Variants in SMAD3 observed in about 807,000 individuals in gnomAD.
The protein encoded by SMAD3 is MAD homolog 3.
A neutral mutation model predicts 51.8 loss-of-function variants in SMAD3; 12 were observed. That is an observed-to-expected ratio of 0.23 (90% CI 0.15 to 0.38). The LOEUF (loss-of-function observed/expected upper bound fraction) is 0.38. Ranked by LOEUF, SMAD3 falls within the 10% of genes least tolerant of loss-of-function variation. The pLI is 1.00. For missense variants in SMAD3, 294 were observed against 565.6 expected, an observed-to-expected ratio of 0.52 and a Z score of 4.87; for synonymous variants, 238 against 227.7, an observed-to-expected ratio of 1.05 and a Z score of -0.41.
At chr15:67,079,638 G>C (rs73481414) in intron 1 of SMAD3, among the ~76,000 whole-genome samples, 6,524 of 152,172 alleles carry the variant, frequency 0.043, 490 homozygotes, top group African/African-American at 0.15. Context: ...TATGCCAGAG[G>C]GGGTGATCTC....
chr15:67,139,016 G>C lies in SMAD3; in HGVS notation c.207-25879G>C, dbSNP rs907582085. On this transcript the variant is annotated intron_variant, in intron 1 of 8. Transcript: ENST00000327367. ...TTTGCAAAATTACCTTTGAGAGACT[G>C]AAGTGTCGGAAATGCATTTAGACAC... Among the ~76,000 whole-genome samples, 4 of 152,330 alleles carry C rather than the reference G, an allele frequency of 2.6e-5. No homozygotes were observed. In the South Asian group the frequency reaches 8.3e-4, roughly 32 times the overall value.
Position 67,077,699 on chromosome 15 carries a change from T to C in SMAD3, c.206+11339T>C, listed in dbSNP as rs141427048. On this transcript the variant is annotated intron_variant, in intron 1 of 8. Coordinates refer to ENST00000327367, the MANE Select transcript of SMAD3 (RefSeq NM_005902.4). The stretch of plus-strand genomic sequence containing the variant: ...GCTTCACAGAGGAGGCAATACTCAA[T>C]TGGGGCCTTGAAGGATGGATAGGAG... Among the ~76,000 whole-genome samples, 39 of 152,194 alleles carry C rather than the reference T, an allele frequency of 2.6e-4. No individual in the cohort carries two copies. In the East Asian group the frequency reaches 3.9e-3, roughly 15 times the overall value.
At chr15:67,182,993 A>AT (rs1437357439) in intron 6 of SMAD3, among the ~76,000 whole-genome samples, 11 of 54,688 alleles carry the variant, frequency 2.0e-4, no homozygotes, top group African/African-American at 4.1e-4. Flanking sequence ...TATTAAAAAA[A>AT]AAAAAAAATA....
At chr15:67,081,374 C>A (rs1243498258) in intron 1 of SMAD3, among the ~76,000 whole-genome samples, 4 of 152,150 alleles carry the variant, frequency 2.6e-5, no homozygotes, top group Non-Finnish European at 4.4e-5. Context: ...CCCTTGCCAG[C>A]CTCCCTTCCC....
chr15:67,076,674 G>A (rs1303012728), intron 1 of SMAD3, among the ~76,000 whole-genome samples: 1 of 152,152 alleles, frequency 6.6e-6, no homozygotes, highest in Non-Finnish European at 1.5e-5. Context: ...CCTCTTACTG[G>A]GGCAAGGAGA....
chr15:67,193,496 G>C lies in SMAD3; in HGVS notation c.*2960G>C, dbSNP rs151326457. On this transcript the variant is annotated 3_prime_UTR_variant, in exon 9 of 9. Transcript: ENST00000327367. ...GATGCTTCCAGCACATACGTAGGTAGCTACCCCAGCCGGTTTGGATTACAG... is the reference window on the plus strand; with the variant it reads ...GATGCTTCCAGCACATACGTAGGTACCTACCCCAGCCGGTTTGGATTACAG... 78 of 233,834 alleles carry C rather than the reference G, an allele frequency of 3.3e-4. No homozygotes were observed. The highest frequency in any genetic ancestry group is 5.6e-4 in the Non-Finnish European group (66 of 118,052). The allele number at this position is 233,834 out of a possible 1,614,324, so 14.5% of individuals were successfully genotyped here.
At chr15:67,186,544 G>A (rs950346142) in intron 7 of SMAD3, 13 of 154,664 alleles carry the variant, frequency 8.4e-5, no homozygotes, top group African/African-American at 2.2e-4. Flanking sequence ...GCGTCACCCC[G>A]GCTCACCTTT....
chr15:67,110,678 G>A (rs947505986), intron 1 of SMAD3, among the ~76,000 whole-genome samples: 1 of 152,226 alleles, frequency 6.6e-6, no homozygotes. Flanking sequence ...GCCTCCTGCC[G>A]TTGAGCAGCT....
intron 1 of SMAD3, 98 bp downstream of exon 1, chr15:67,066,458 A>G (rs2140189412): frequency 1.0e-6 from 1 of 974,636 alleles, no homozygotes; most frequent in South Asian, 1.4e-5. Context: ...AGAGGGAGAG[A>G]GAGGGAGGGA....
chr15:67,177,387 T>C (rs1214915106), intron 5 of SMAD3, among the ~76,000 whole-genome samples: 1 of 151,274 alleles, frequency 6.6e-6, no homozygotes, highest in Non-Finnish European at 1.5e-5. Context: ...GATAAGTACT[T>C]TGGGAAAGAA....
chr15:67,188,637 C>T lies in SMAD3; in HGVS notation c.1154+1128C>T, dbSNP rs529895174. Among the ~76,000 whole-genome samples, 9 of 152,374 alleles carry T rather than the reference C, an allele frequency of 5.9e-5. 1 individual carries two copies. In the South Asian group the frequency reaches 1.9e-3, roughly 32 times the overall value. ...CCCCCCTGCCAGCCGCCAGCTCCTG[C>T]GGCAGATGCAGAGGTGCCCACATGT... On this transcript the variant is annotated intron_variant, in intron 8 of 8. Transcript: ENST00000327367.
chr15:67,125,870 G>A (rs142428828), intron 1 of SMAD3: 4 of 985,446 alleles, frequency 4.1e-6, no homozygotes, highest in Admixed American at 1.2e-4. Flanking sequence ...TATTGCCGCC[G>A]CTCGCTTCAC....
intron 1 of SMAD3, among the ~76,000 whole-genome samples, chr15:67,091,433 C>A (rs1180164925): frequency 6.6e-6 from 1 of 152,230 alleles, no homozygotes; most frequent in Non-Finnish European, 1.5e-5. Flanking sequence ...ACCTCTTCAA[C>A]CAGTGAGTCA....
intron 6 of SMAD3, 22 bp downstream of exon 6, chr15:67,181,475 C>A: frequency 1.3e-6 from 2 of 1,494,734 alleles, no homozygotes; most frequent in East Asian, 2.4e-5. Context: ...CTCCATTCCC[C>A]GCCCCCCCAC....
At chr15:67,078,502 A>G (rs902460088) in intron 1 of SMAD3, among the ~76,000 whole-genome samples, 4 of 152,236 alleles carry the variant, frequency 2.6e-5, no homozygotes, top group Non-Finnish European at 5.9e-5. Flanking sequence ...AAAACAGATT[A>G]TATTCCTTAA....
Position 67,088,619 on chromosome 15 carries a change from G to A in SMAD3, c.206+22259G>A, listed in dbSNP as rs113132254. Reference sequence around the variant, plus strand: ...GAATGCTCCCGAGTGGGAGGGGGCAGCTGCTCTAGGGTGGGAAGGGGATGC... The same window carrying A: ...GAATGCTCCCGAGTGGGAGGGGGCAACTGCTCTAGGGTGGGAAGGGGATGC... On this transcript the variant is annotated intron_variant, in intron 1 of 8. Coordinates refer to ENST00000327367, the MANE Select transcript of SMAD3 (RefSeq NM_005902.4). Among the ~76,000 whole-genome samples, 1,300 of 152,276 alleles carry A rather than the reference G, an allele frequency of 8.5e-3. 25 individuals carry two copies. Among genetic ancestry groups the A allele is most frequent in the African/African-American group, 0.03 (1,245 of 41,546 alleles).
chr15:67,141,084 C>G (rs771524542), intron 1 of SMAD3, among the ~76,000 whole-genome samples: 25 of 152,186 alleles, frequency 1.6e-4, no homozygotes, highest in Non-Finnish European at 3.7e-4. Flanking sequence ...TTTTTGACCT[C>G]CAGCCCAGAC....
At chr15:67,176,906 G>T (rs187106490) in intron 5 of SMAD3, among the ~76,000 whole-genome samples, 26 of 152,310 alleles carry the variant, frequency 1.7e-4, no homozygotes, top group African/African-American at 5.5e-4. Context: ...AGGGAAGGCC[G>T]TGGGCACGTG....
chr15:67,185,801 G>T (rs775775753), intron 7 of SMAD3, among the ~76,000 whole-genome samples: 2 of 152,328 alleles, frequency 1.3e-5, no homozygotes, highest in South Asian at 4.1e-4. Context: ...TTCACAGGAC[G>T]TGCAGCCACT....
Sources: gnomAD v4.1 joint callset for allele counts (sites outside exome capture counted in the v4.1 genomes callset) on GRCh38, gnomAD v4.1.1 for gene constraint, MANE v1.5 for transcripts, NCBI Gene and HGNC (gene_info 2026-07-23, HGNC 2026-07-21) for gene names.